STAT4: variants seen among roughly 807,000 people sequenced by gnomAD.
STAT4 encodes the protein signal transducer and activator of transcription 4.
A neutral mutation model predicts 110.5 loss-of-function variants in STAT4; 42 were observed. The ratio of observed to expected loss-of-function variants is 0.38; its 90% CI spans 0.30 to 0.49. STAT4 has a LOEUF of 0.49. Ranked by LOEUF, STAT4 falls within the 20% of genes least tolerant of loss-of-function variation. The pLI, the probability that STAT4 is intolerant of heterozygous loss-of-function variation, is 0.95. For synonymous variants in STAT4, 284 were observed against 302.2 expected (o/e 0.94, Z 0.63); for missense variants, 632 against 887.9 (o/e 0.71, Z 3.66).
At chr2:191,054,563 AT>A (rs1456573957) in intron 13 of STAT4, 29 bp from the exon 14 acceptor site, 2 of 1,601,306 alleles carry the variant, frequency 1.2e-6, no homozygotes, top group Non-Finnish European at 1.7e-6. Context: ...CAATATTTAG[AT>A]GGAAAAGCAT....
At chr2:191,085,275 T>C (rs1306454686) in intron 3 of STAT4, among the ~76,000 whole-genome samples, 1 of 152,030 alleles carries the variant, frequency 6.6e-6, no homozygotes, top group Non-Finnish European at 1.5e-5. Flanking sequence ...TATTTGACAA[T>C]TCAAAATCAA....
chr2:191,088,779 G>T (rs1697708444), intron 3 of STAT4, among the ~76,000 whole-genome samples: 1 of 152,150 alleles, frequency 6.6e-6, no homozygotes, highest in Non-Finnish European at 1.5e-5. Context: ...CCACGTAAAT[G>T]TACTTAACTG....
intron 3 of STAT4, among the ~76,000 whole-genome samples, chr2:191,101,350 C>T (rs899137387): frequency 6.6e-6 from 1 of 152,108 alleles, no homozygotes; most frequent in Non-Finnish European, 1.5e-5. Flanking sequence ...AGAGCATACT[C>T]AATGTATCAT....
rs367830115 is a variant in STAT4, at chr2:191,062,986, A to G, written c.783-66T>C. The G allele has an allele frequency of 3.2e-5, 45 of 1,393,736 alleles. No homozygotes were observed. The East Asian group carries it at 9.5e-4, about 29-fold the overall frequency. The allele number at this position is 1,393,736 out of a possible 1,614,324, so 86.3% of individuals were successfully genotyped here. ...TTAATAATAAAAAAGCATTGTAACAATGGGTCATAGTTAATAAACATTAAA... is the reference window on the plus strand; with the variant it reads ...TTAATAATAAAAAAGCATTGTAACAGTGGGTCATAGTTAATAAACATTAAA... On this transcript the variant is annotated intron_variant, in intron 8 of 23. Transcript: ENST00000392320. This position sits in a 1 kb window ranked among gnomAD's most constrained non-coding sequence, Gnocchi z 4.9.
intron 3 of STAT4, among the ~76,000 whole-genome samples, chr2:191,136,053 G>A (rs1486372191): frequency 4.0e-5 from 6 of 149,182 alleles, no homozygotes; most frequent in Non-Finnish European, 3.0e-5. Flanking sequence ...GTGATCAAGT[G>A]GGATTTATCC....
chr2:191,145,121 TACACACATATATAATAC>T (rs1258642460), intron 3 of STAT4, among the ~76,000 whole-genome samples: 1 of 152,188 alleles, frequency 6.6e-6, no homozygotes, highest in Non-Finnish European at 1.5e-5. Context: ...GACACATATA[TACACACATATATAATAC>T]ACACACATAT....
chr2:191,063,954 T>C (rs886901864), intron 8 of STAT4, among the ~76,000 whole-genome samples: 2 of 152,242 alleles, frequency 1.3e-5, no homozygotes, highest in South Asian at 2.1e-4. Flanking sequence ...AGATTTTAAC[T>C]GAACAGTTTC....
At position 191,143,769 on chromosome 2, in the gene STAT4, C is replaced by T. The variant is rs769342647; in HGVS notation, c.273+2844G>A. ...AAATATTTAAACCAGATAAGCACAGCGTCAACAGCCTTTTGATAGGGAATT... is the reference window on the plus strand; with the variant it reads ...AAATATTTAAACCAGATAAGCACAGTGTCAACAGCCTTTTGATAGGGAATT... On this transcript the variant is annotated intron_variant, in intron 3 of 23. Coordinates refer to ENST00000392320, the MANE Select transcript of STAT4 (RefSeq NM_003151.4). The surrounding 1 kb of genome is among the most constrained non-coding windows in gnomAD (Gnocchi z 5.6). Among the ~76,000 whole-genome samples the T allele has an allele frequency of 9.9e-5, 15 of 151,216 alleles. No individual in the cohort carries two copies. In the East Asian group the frequency reaches 1.4e-3, roughly 14 times the overall value.
Position 191,123,557 on chromosome 2 carries a change from G to A in STAT4, c.273+23056C>T, listed in dbSNP as rs1456974641. 3.9e-5 allele frequency among the ~76,000 whole-genome samples: 6 copies of A among 152,166 alleles called. No individual in the cohort carries two copies. The East Asian group carries it at 1.2e-3, about 29-fold the overall frequency. The stretch of plus-strand genomic sequence containing the variant: ...CTACGTCCCAATAAACCCATCATCA[G>A]TTGAAAATATTCTAAATTGAAAATG... On this transcript the variant is annotated intron_variant, in intron 3 of 23. Transcript: ENST00000392320.
intron 6 of STAT4, 44 bp downstream of exon 6, chr2:191,069,649 C>G (rs867050489): frequency 1.4e-6 from 2 of 1,444,566 alleles, no homozygotes; most frequent in East Asian, 4.6e-5. Flanking sequence ...ACTCAAGATG[C>G]CTTTTTGTCT....
chr2:191,054,506 C>T lies in STAT4; in HGVS notation c.1235G>A (p.Gly412Glu). 1 of 1,612,670 alleles carries T rather than the reference C, an allele frequency of 6.2e-7. No individual in the cohort carries two copies. Among genetic ancestry groups the T allele is most frequent in the Non-Finnish European group, 8.5e-7 (1 of 1,179,610 alleles). The change falls in exon 14 of 24, where the codon GGA (glycine) becomes GAA (glutamate). Residue 412 changes from glycine (G) to glutamate (E), a missense_variant. Coordinates refer to ENST00000392320, the MANE Select transcript of STAT4 (RefSeq NM_003151.4). ...LQPKEMKSSA[G>E]GKGNEGCHMV... ...ATTTCCTACCTCATTTCCTTTACCT[C>T]CAGCACTGGACTTCATTTCCTTTGG...
chr2:191,056,107 C>T (rs577757867), intron 13 of STAT4, among the ~76,000 whole-genome samples: 15 of 152,326 alleles, frequency 9.8e-5, no homozygotes, highest in Middle Eastern at 6.8e-3. Context: ...AGAAAGTAGA[C>T]ATTTTATCTT....
At chr2:191,130,884 G>A (rs1699016953) in intron 3 of STAT4, among the ~76,000 whole-genome samples, 1 of 151,588 alleles carries the variant, frequency 6.6e-6, no homozygotes, top group African/African-American at 2.4e-5. Flanking sequence ...TATGAACAAT[G>A]AGAGCACTAC....
intron 3 of STAT4, among the ~76,000 whole-genome samples, chr2:191,079,419 T>C (rs1347887437): frequency 1.3e-5 from 2 of 152,048 alleles, no homozygotes; most frequent in African/African-American, 4.8e-5. Context: ...TTTCTGTAGA[T>C]GGTATTTTTT....
rs1699011537 is a variant in STAT4, at chr2:191,130,672, T to C, written c.273+15941A>G. Among the ~76,000 whole-genome samples, 2 of 151,806 alleles carry C rather than the reference T, an allele frequency of 1.3e-5. 1 individual carries two copies. The highest frequency in any genetic ancestry group is 4.1e-4 in the South Asian group (2 of 4,824). ...ATCTAAGAATGCATGGAAGCCATCA[T>C]GTGAGCTCCTACTTAAATTTTGTTT... On this transcript the variant is annotated intron_variant, in intron 3 of 23. Coordinates refer to ENST00000392320, the MANE Select transcript of STAT4 (RefSeq NM_003151.4).
At chr2:191,115,957 A>C (rs1698558629) in intron 3 of STAT4, among the ~76,000 whole-genome samples, 3 of 152,226 alleles carry the variant, frequency 2.0e-5, no homozygotes. Context: ...GGCCAGATAC[A>C]ACTATATCTA....
In STAT4 at chr2:191,099,392, A is replaced by T. The variant is rs1183265719; in HGVS notation, c.274-23067T>A. On this transcript the variant is annotated intron_variant, in intron 3 of 23. Transcript: ENST00000392320. This position sits in a 1 kb window ranked among gnomAD's most constrained non-coding sequence, Gnocchi z 4.1. ...ATAAAAATAAAAGCACTGGCCCATA[A>T]TAATATATGTACAAGATCGTTTGTT... Among the ~76,000 whole-genome samples the T allele has an allele frequency of 6.6e-6, 1 of 152,134 alleles. No individual in the cohort carries two copies. Among genetic ancestry groups the T allele is most frequent in the African/African-American group, 2.4e-5 (1 of 41,450 alleles).
chr2:191,075,179 A>T (rs2459612), intron 4 of STAT4, among the ~76,000 whole-genome samples: 2,882 of 152,218 alleles, frequency 0.019, 91 homozygotes, highest in African/African-American at 0.066. Flanking sequence ...ACAAAAAAAA[A>T]ACTTTTGTTG....
chr2:191,125,503 A>ATTATTATTATTATTATTG (rs1698857384), intron 3 of STAT4, among the ~76,000 whole-genome samples: 1 of 149,538 alleles, frequency 6.7e-6, no homozygotes, highest in Non-Finnish European at 1.5e-5. Flanking sequence ...TATTATTATT[A>ATTATTATTATTATTATTG]TTGAGACAGG....
Sources: gnomAD v4.1 joint callset for allele counts (sites outside exome capture counted in the v4.1 genomes callset) on GRCh38, gnomAD v4.1.1 for gene constraint, Gnocchi (gnomAD v3.1) non-coding constraint, MANE v1.5 for transcripts, NCBI Gene and HGNC (gene_info 2026-07-23, HGNC 2026-07-21) for gene names.